The following ZMYM5 variants were observed in gnomAD, a reference collection of about 807,000 sequenced individuals.
ZMYM5 encodes zinc finger MYM-type containing 5.
ZMYM5 carries 41 observed loss-of-function variants against 61.8 expected under a neutral mutation model. The observed-to-expected ratio is 0.66, with a 90% CI of 0.52 to 0.86. ZMYM5 has a LOEUF of 0.86. Ranked by LOEUF, ZMYM5 falls within the 40% of genes least tolerant of loss-of-function variation. The pLI is 0.00. For synonymous variants in ZMYM5, 257 were observed against 276.4 expected (o/e 0.93, Z 0.70); for missense variants, 706 against 786.7 (o/e 0.90, Z 1.23).
At chr13:19,836,669 G>A (rs1952684194) in intron 6 of ZMYM5, among the ~76,000 whole-genome samples, 1 of 152,088 alleles carries the variant, frequency 6.6e-6, no homozygotes, top group African/African-American at 2.4e-5. Context: ...ATTTGTGGAG[G>A]GAGCTAAGGG....
At position 19,837,727 on chromosome 13, in the gene ZMYM5, C is replaced by T; in HGVS notation, c.967G>A (p.Glu323Lys). The T allele has an allele frequency of 1.3e-6, 2 of 1,579,480 alleles. No individual in the cohort carries two copies. The highest frequency in any genetic ancestry group is 1.7e-6 in the Non-Finnish European group (2 of 1,170,238). Residue 323 changes from glutamate to lysine, a missense_variant, in exon 6 of 8, where the codon GAA (glutamate) becomes AAA (lysine). Glu to Lys is a moderately conservative substitution (Grantham distance 56). Coordinates refer to ENST00000337963, the MANE Select transcript of ZMYM5 (RefSeq NM_001142684.2). Reference sequence around the variant, plus strand: ...CCTTTTTTAAGATTCCAGTTGTTTTCACAGGGAGACAAACAAGATGTACTA... The same window carrying T: ...CCTTTTTTAAGATTCCAGTTGTTTTTACAGGGAGACAAACAAGATGTACTA... ...FYSTSCLSPC[E>K]NNWNLKKGVF...
chr13:19,835,766 C>T (rs901330231), intron 6 of ZMYM5, 77 bp from the exon 7 acceptor site: 9 of 1,073,134 alleles, frequency 8.4e-6, no homozygotes, highest in African/African-American at 1.6e-5. Flanking sequence ...TAACTAGTTT[C>T]TGCAATAGAA....
At chr13:19,843,919 G>A (rs948960401) in intron 4 of ZMYM5, among the ~76,000 whole-genome samples, 16 of 151,760 alleles carry the variant, frequency 1.1e-4, no homozygotes, top group African/African-American at 3.6e-4. Flanking sequence ...TGGATCACAA[G>A]GTCAGGGGAT....
rs1411985340 is a variant in ZMYM5, at chr13:19,862,399, A to T, written c.-11T>A. The T allele has an allele frequency of 2.0e-5, 3 of 152,124 alleles. No homozygotes were observed. Among genetic ancestry groups the T allele is most frequent in the Non-Finnish European group, 2.9e-5 (2 of 68,032 alleles). The allele number at this position is 152,124 out of a possible 1,614,324, so 9.4% of individuals were successfully genotyped here. A position where few individuals can be genotyped will look rare whatever the true frequency, so the allele number is the denominator to read the frequency against. On this transcript the variant is annotated splice_region_variant and 5_prime_UTR_variant, in exon 2 of 8. Coordinates refer to ENST00000337963, the MANE Select transcript of ZMYM5 (RefSeq NM_001142684.2). ...GGGTAAAAAAAAAAAAACAACTCAC[A>T]ATGGAGATATTTCCTTCTTAATTTC...
intron 4 of ZMYM5, among the ~76,000 whole-genome samples, chr13:19,843,146 G>A (rs1952940889): frequency 6.7e-6 from 1 of 149,250 alleles, no homozygotes; most frequent in Admixed American, 6.7e-5. Flanking sequence ...TCTTTTTTGA[G>A]ATAGAGTCTC....
intron 1 of ZMYM5, among the ~76,000 whole-genome samples, chr13:19,862,867 AGTT>A (rs2138692630): frequency 6.6e-6 from 1 of 152,282 alleles, no homozygotes; most frequent in South Asian, 2.1e-4. Context: ...CTGGGCCCAC[AGTT>A]GCCTCAAGAA....
At chr13:19,851,486 A>C (rs1189434797) in intron 3 of ZMYM5, 38 bp from the exon 4 acceptor site, 3 of 1,605,200 alleles carry the variant, frequency 1.9e-6, no homozygotes, top group Non-Finnish European at 2.6e-6. Context: ...TTGTATATTA[A>C]CACCAAAATT....
At chr13:19,836,448 CTT>C (rs1008828289) in intron 6 of ZMYM5, among the ~76,000 whole-genome samples, 1 of 151,340 alleles carries the variant, frequency 6.6e-6, no homozygotes, top group Non-Finnish European at 1.5e-5. Context: ...GGTCAACAAT[CTT>C]TTTTTTTCTT....
At chr13:19,853,707 T>A (rs1398391198) in intron 2 of ZMYM5, among the ~76,000 whole-genome samples, 1 of 151,566 alleles carries the variant, frequency 6.6e-6, no homozygotes, top group South Asian at 2.1e-4. Flanking sequence ...GCTCAAGTGA[T>A]CCCCCGGCTT....
Position 19,863,553 on chromosome 13 carries a change from T to C in ZMYM5, c.-182A>G, listed in dbSNP as rs1236331040. ...AGCGGGGATAAGCGTCACCCGGTTC[T>C]GGCTGCGGCTGCGCGGAACGAACAA... is the stretch of plus-strand genomic sequence containing the variant. On this transcript the variant is annotated 5_prime_UTR_variant, in exon 1 of 8. Transcript: ENST00000337963. The C allele has an allele frequency of 5.9e-5, 9 of 152,790 alleles. No homozygotes were observed. In the East Asian group the frequency reaches 1.7e-3, roughly 30 times the overall value. The allele number at this position is 152,790 out of a possible 1,614,324, so 9.5% of individuals were successfully genotyped here. A position where few individuals can be genotyped will look rare whatever the true frequency, so the allele number is the denominator to read the frequency against.
At chr13:19,849,786 C>T (rs189059372) in intron 4 of ZMYM5, among the ~76,000 whole-genome samples, 4 of 152,074 alleles carry the variant, frequency 2.6e-5, no homozygotes, top group Non-Finnish European at 5.9e-5. Flanking sequence ...TTGAGACCAG[C>T]CTGGCCAACA....
intron 4 of ZMYM5, among the ~76,000 whole-genome samples, chr13:19,846,440 AAC>A (rs1174041091): frequency 3.9e-5 from 6 of 152,204 alleles, no homozygotes; most frequent in African/African-American, 9.6e-5. Context: ...ACTTCAAGAA[AAC>A]AGAGTATTTG....
intron 4 of ZMYM5, among the ~76,000 whole-genome samples, chr13:19,844,137 CAAAA>C (rs1228066138): frequency 3.1e-5 from 2 of 65,544 alleles, no homozygotes; most frequent in Admixed American, 1.9e-4. Context: ...GACTCCGTCT[CAAAA>C]AAAAAAAAAA....
Position 19,828,994 on chromosome 13 carries a change from C to G in ZMYM5, c.1252-3759G>C, listed in dbSNP as rs912545399. 6.6e-5 allele frequency among the ~76,000 whole-genome samples: 10 copies of G among 152,218 alleles called. No homozygotes were observed. The East Asian group carries it at 1.9e-3, about 29-fold the overall frequency. On this transcript the variant is annotated intron_variant, in intron 7 of 7. Coordinates refer to ENST00000337963, the MANE Select transcript of ZMYM5 (RefSeq NM_001142684.2). Reference sequence around the variant, plus strand: ...GTGTGGTGGCACATGCCTGCAGTCCCAGCTACTCAGGAGGCTAAGGTGGGA... The same window carrying G: ...GTGTGGTGGCACATGCCTGCAGTCCGAGCTACTCAGGAGGCTAAGGTGGGA...
chr13:19,847,894 C>A (rs1566101191), intron 4 of ZMYM5, among the ~76,000 whole-genome samples: 1 of 144,870 alleles, frequency 6.9e-6, no homozygotes, highest in Non-Finnish European at 1.5e-5. Flanking sequence ...ACCTCGTGAT[C>A]CGCCCACCTC....
intron 2 of ZMYM5, among the ~76,000 whole-genome samples, chr13:19,857,735 C>A (rs1184321408): frequency 6.6e-6 from 1 of 151,984 alleles, no homozygotes; most frequent in African/African-American, 2.4e-5. Flanking sequence ...AAATAAAGGC[C>A]AGGTACAGTG....
Position 19,830,728 on chromosome 13 carries a change from G to A in ZMYM5, c.1251+4749C>T, listed in dbSNP as rs371732862. On this transcript the variant is annotated intron_variant, in intron 7 of 7. Coordinates refer to ENST00000337963, the MANE Select transcript of ZMYM5 (RefSeq NM_001142684.2). ...TTTTGTAGAGACAGGGGCTCACCAT[G>A]TTGCCCAGGCTGGTCTCAAACTCCT... 3.0e-3 allele frequency among the ~76,000 whole-genome samples: 450 copies of A among 152,006 alleles called. 1 individual carries two copies. Among genetic ancestry groups the A allele is most frequent in the Non-Finnish European group, 4.9e-3 (333 of 68,012 alleles).
At chr13:19,826,698 G>A (rs1593838640) in intron 7 of ZMYM5, among the ~76,000 whole-genome samples, 1 of 150,800 alleles carries the variant, frequency 6.6e-6, no homozygotes, top group Non-Finnish European at 1.5e-5. Context: ...AGGTTGCAGT[G>A]AGCCAAGATC....
At position 19,849,968 on chromosome 13, in the gene ZMYM5, C is replaced by G. The variant is rs12583549; in HGVS notation, c.586+1387G>C. Among the ~76,000 whole-genome samples, 471 of 150,740 alleles carry G rather than the reference C, an allele frequency of 3.1e-3. 17 individuals are homozygous for G. The East Asian group carries it at 0.081, about 26-fold the overall frequency. On this transcript the variant is annotated intron_variant, in intron 4 of 7. Coordinates refer to ENST00000337963, the MANE Select transcript of ZMYM5 (RefSeq NM_001142684.2). ...TGCATTCCAGCCTGGGTGACAGAGA[C>G]TCTGTCTCAAAAAAAAAAAAGGGAA... is the stretch of plus-strand genomic sequence containing the variant.
Sources: allele counts gnomAD v4.1 joint callset (sites outside exome capture counted in the v4.1 genomes callset), GRCh38; gene constraint gnomAD v4.1.1; transcripts MANE v1.5; gene names NCBI Gene and HGNC (gene_info 2026-07-23, HGNC 2026-07-21).